The following PACS2 variants were observed in gnomAD, a reference collection of about 807,000 sequenced individuals.
PACS2 encodes the protein phosphofurin acidic cluster sorting protein 2, also known as PACS1-like protein.
In PACS2, 36 loss-of-function variants were observed where a neutral mutation model predicts 113.0. The observed-to-expected ratio is 0.32, with a 90% CI of 0.24 to 0.42. The LOEUF (loss-of-function observed/expected upper bound fraction) is 0.42. PACS2 is among the 10% of genes least tolerant of loss of function. The probability of loss-of-function intolerance (pLI) is 1.00; values close to 1 mark genes in which losing one functional copy is unlikely to be tolerated. For synonymous variants in PACS2, 589 were observed against 536.1 expected (o/e 1.10, Z -1.36); for missense variants, 1,015 against 1,239.5 (o/e 0.82, Z 2.72).
At chr14:105,338,406 G>C (rs1234978493) in intron 1 of PACS2, among the ~76,000 whole-genome samples, 1 of 152,316 alleles carries the variant, frequency 6.6e-6, no homozygotes, top group South Asian at 2.1e-4. Flanking sequence ...GCCGAGGGGG[G>C]CGGTGGTGGG....
At chr14:105,341,835 G>A (rs749200236) in intron 1 of PACS2, among the ~76,000 whole-genome samples, 3 of 152,196 alleles carry the variant, frequency 2.0e-5, no homozygotes, top group Admixed American at 6.5e-5. Flanking sequence ...GGGCAGCCAC[G>A]TTCCCCCTGG....
Position 105,380,154 on chromosome 14 carries a change from C to T in PACS2, c.1125C>T (p.Leu375=), listed in dbSNP as rs587655882. Residue 375 remains leucine, a splice_region_variant and synonymous_variant, in exon 11 of 25, where the codon CTC becomes CTT. Transcript: ENST00000447393. ...ACAGTGTCTCTGACACGGTGGCCCT[C>T]GTAAGCAGGCTTGGGCCGCACCCAC... is the stretch of plus-strand genomic sequence containing the variant. ...PSDSVSDTVA[L]GVPGPREHPG... is the part of the protein sequence containing the mutation. 116 of 1,551,040 alleles carry T rather than the reference C, an allele frequency of 7.5e-5. No homozygotes were observed. The highest frequency in any genetic ancestry group is 7.1e-4 in the South Asian group (60 of 84,086).
chr14:105,353,807 T>G (rs1458496640), intron 3 of PACS2, among the ~76,000 whole-genome samples: 2 of 152,116 alleles, frequency 1.3e-5, no homozygotes, highest in Admixed American at 1.3e-4. Flanking sequence ...TCGGCCAGGC[T>G]GGTCTCGAAC....
At chr14:105,320,275 C>T (rs956796758) in intron 1 of PACS2, among the ~76,000 whole-genome samples, 3 of 152,128 alleles carry the variant, frequency 2.0e-5, no homozygotes, top group South Asian at 4.1e-4. Context: ...CATGCCTGGC[C>T]GTAAATTGAT....
chr14:105,360,478 G>C (rs1555406206), intron 4 of PACS2, among the ~76,000 whole-genome samples: 2 of 151,706 alleles, frequency 1.3e-5, no homozygotes, highest in Non-Finnish European at 2.9e-5. Context: ...GGGAGGCGGA[G>C]GTTGCAGTGA....
At position 105,383,987 on chromosome 14, in the gene PACS2, G is replaced by A; in HGVS notation, c.1781-366G>A. On this transcript the variant is annotated intron_variant, in intron 16 of 24. Coordinates refer to ENST00000447393, the MANE Select transcript of PACS2 (RefSeq NM_001100913.3). Reference sequence around the variant, plus strand: ...TCTTACCACGAAACAAACCCACCCAGCCTTAATCTGTTGACCAGCAGCAAG... The same window carrying A: ...TCTTACCACGAAACAAACCCACCCAACCTTAATCTGTTGACCAGCAGCAAG... 9.5e-6 allele frequency: 3 copies of A among 314,604 alleles called. 1 individual carries two copies. The South Asian group carries it at 1.2e-4, about 12-fold the overall frequency. 19.5% of individuals were successfully genotyped at this position (314,604 alleles called of 1,614,324 possible). A position where few individuals can be genotyped will look rare whatever the true frequency, so the allele number is the denominator to read the frequency against.
At chr14:105,363,628 C>T (rs189078010) in intron 4 of PACS2, among the ~76,000 whole-genome samples, 3 of 152,306 alleles carry the variant, frequency 2.0e-5, no homozygotes, top group African/African-American at 7.2e-5. Flanking sequence ...CGGCCACTCA[C>T]TCTCTCCACA....
At chr14:105,364,569 C>T (rs146641157) in intron 4 of PACS2, among the ~76,000 whole-genome samples, 5 of 150,618 alleles carry the variant, frequency 3.3e-5, no homozygotes, top group African/African-American at 1.2e-4. Context: ...GGCAAGAGGA[C>T]GAGGTCTCCT....
chr14:105,346,411 G>A (rs924339489), intron 1 of PACS2, among the ~76,000 whole-genome samples: 14 of 151,746 alleles, frequency 9.2e-5, no homozygotes, highest in African/African-American at 3.2e-4. Context: ...GGCACTGCTC[G>A]CGTCTGCAGC....
intron 1 of PACS2, among the ~76,000 whole-genome samples, chr14:105,327,300 AG>A (rs141102788): frequency 6.6e-6 from 1 of 152,234 alleles, no homozygotes; most frequent in East Asian, 1.9e-4. Flanking sequence ...TGGTAGCCTG[AG>A]GGGATGTGCG....
intron 1 of PACS2, among the ~76,000 whole-genome samples, chr14:105,337,653 C>G (rs907428450): frequency 6.6e-6 from 1 of 152,182 alleles, no homozygotes; most frequent in Non-Finnish European, 1.5e-5. Context: ...TTGGGCCTCT[C>G]GTCTTTTGGG....
intron 16 of PACS2, 173 bp downstream of exon 16, chr14:105,383,686 T>C (rs997669897): frequency 8.5e-6 from 5 of 588,030 alleles, no homozygotes; most frequent in Non-Finnish European, 1.5e-5. Flanking sequence ...ACATTTGTTG[T>C]TTTTAAATGT....
chr14:105,373,349 G>T (rs988667347), intron 8 of PACS2, among the ~76,000 whole-genome samples: 1 of 152,172 alleles, frequency 6.6e-6, no homozygotes, highest in Non-Finnish European at 1.5e-5. Context: ...CTGACCATGT[G>T]GGGCTGGCCC....
chr14:105,371,728 A>G (rs1390357978), intron 8 of PACS2: 2 of 152,262 alleles, frequency 1.3e-5, no homozygotes, highest in Non-Finnish European at 2.9e-5. Flanking sequence ...AGACGAGGTC[A>G]CCGCCTGGAT....
chr14:105,379,094 C>T (rs2080889606), intron 9 of PACS2, among the ~76,000 whole-genome samples: 1 of 151,682 alleles, frequency 6.6e-6, no homozygotes, highest in Non-Finnish European at 1.5e-5. Context: ...CCTGAGTGGT[C>T]TGGAAAGGCC....
At position 105,329,995 on chromosome 14, in the gene PACS2, TCTGGATGC is replaced by T. The variant is rs2059243613; in HGVS notation, c.119+14962_119+14969del. Among the ~76,000 whole-genome samples the T allele has an allele frequency of 6.6e-6, 1 of 152,128 alleles. No homozygotes were observed. The highest frequency in any genetic ancestry group is 1.5e-5 in the Non-Finnish European group (1 of 68,022). ...TGCCCTGGGAGGGTGCAGGGTGGGC[TCTGGATGC>T]CTGCTGGGGGATTTCAGTGAGAACC... is the stretch of plus-strand genomic sequence containing the variant. On this transcript the variant is annotated intron_variant, in intron 1 of 24. Coordinates refer to ENST00000447393, the MANE Select transcript of PACS2 (RefSeq NM_001100913.3). This position sits in a 1 kb window ranked among gnomAD's most constrained non-coding sequence, Gnocchi z 6.4.
intron 1 of PACS2, among the ~76,000 whole-genome samples, chr14:105,343,038 A>G (rs915198785): frequency 1.3e-5 from 2 of 151,912 alleles, no homozygotes; most frequent in Non-Finnish European, 2.9e-5. Flanking sequence ...AACCAGGCAC[A>G]GAACACTGGG....
At chr14:105,368,325 G>C in intron 6 of PACS2, 134 bp from the exon 7 acceptor site, 1 of 833,908 alleles carries the variant, frequency 1.2e-6, no homozygotes, top group Non-Finnish European at 2.0e-6. Flanking sequence ...TTATGCTCAG[G>C]TGGCTCTGAG....
intron 1 of PACS2, among the ~76,000 whole-genome samples, chr14:105,316,915 GACC>G (rs1245556798): frequency 6.6e-6 from 1 of 152,186 alleles, no homozygotes; most frequent in Admixed American, 6.5e-5. Context: ...TGGCGCAGCT[GACC>G]AGGTGGGCAG....
Sources: gnomAD v4.1 joint callset for allele counts (sites outside exome capture counted in the v4.1 genomes callset) on GRCh38, gnomAD v4.1.1 for gene constraint, Gnocchi (gnomAD v3.1) non-coding constraint, MANE v1.5 for transcripts, NCBI Gene and HGNC (gene_info 2026-07-23, HGNC 2026-07-21) for gene names.